The following MIGA1 variants were observed in gnomAD, a reference collection of about 807,000 sequenced individuals.
MIGA1 encodes mitoguardin 1, also known as family with sequence similarity 73, member A.
Under a neutral mutation model 82.0 loss-of-function variants are expected in MIGA1, and 58 were observed. The ratio of observed to expected loss-of-function variants is 0.71; its 90% CI spans 0.57 to 0.88. The LOEUF (loss-of-function observed/expected upper bound fraction) is 0.88. Ranked by LOEUF, MIGA1 falls within the 40% of genes least tolerant of loss-of-function variation. The probability of loss-of-function intolerance (pLI) is 0.00; values close to 1 mark genes in which losing one functional copy is unlikely to be tolerated. For missense variants in MIGA1, 751 were observed against 749.1 expected, an observed-to-expected ratio of 1.00 and a Z score of -0.03; for synonymous variants, 249 against 253.6, an observed-to-expected ratio of 0.98 and a Z score of 0.17.
intron 8 of MIGA1, chr1:77,853,646 T>G (rs1266033697): frequency 4.8e-6 from 1 of 207,520 alleles, no homozygotes; most frequent in African/African-American, 2.4e-5. Flanking sequence ...GCCACTGCAC[T>G]ATTGCCTGGC....
chr1:77,821,357 G>C (rs1363770724), intron 7 of MIGA1, among the ~76,000 whole-genome samples: 1 of 150,910 alleles, frequency 6.6e-6, no homozygotes, highest in Non-Finnish European at 1.5e-5. Flanking sequence ...TGTTAGTTCT[G>C]AGTCATCATT....
At chr1:77,828,510 A>C (rs895918336) in intron 7 of MIGA1, among the ~76,000 whole-genome samples, 2 of 152,212 alleles carry the variant, frequency 1.3e-5, no homozygotes, top group Non-Finnish European at 2.9e-5. Context: ...AAATGGTATA[A>C]TTTCAGCTTA....
At position 77,807,113 on chromosome 1, in the gene MIGA1, A is replaced by G. The variant is rs144517609; in HGVS notation, c.637+12A>G. ...CTTATACTTAATGGGTAGGAATGAG[A>G]TGATAACATTTTAAGATACTGTGCT... is the stretch of plus-strand genomic sequence containing the variant. On this transcript the variant is annotated intron_variant, in intron 5 of 15. Transcript: ENST00000370791. The G allele has an allele frequency of 7.7e-6, 12 of 1,558,032 alleles. No individual in the cohort carries two copies. In the African/African-American group the frequency reaches 1.5e-4, roughly 20 times the overall value.
At chr1:77,798,602 G>A (rs1210279047) in intron 2 of MIGA1, among the ~76,000 whole-genome samples, 1 of 152,176 alleles carries the variant, frequency 6.6e-6, no homozygotes, top group Non-Finnish European at 1.5e-5. Flanking sequence ...CTCACAACAC[G>A]TGGGAATTAT....
chr1:77,865,479 G>T (rs1243811075), intron 13 of MIGA1, among the ~76,000 whole-genome samples: 1 of 152,100 alleles, frequency 6.6e-6, no homozygotes, highest in East Asian at 1.9e-4. Context: ...TGTGGTTTCA[G>T]TTACTCAGGA....
chr1:77,831,668 C>T (rs528320155), intron 7 of MIGA1, among the ~76,000 whole-genome samples: 14 of 152,200 alleles, frequency 9.2e-5, no homozygotes, highest in Non-Finnish European at 1.5e-4. Context: ...CATATCATGA[C>T]GAATGTTTGT....
At chr1:77,851,162 C>T (rs564477151) in intron 8 of MIGA1, among the ~76,000 whole-genome samples, 2 of 152,214 alleles carry the variant, frequency 1.3e-5, no homozygotes, top group South Asian at 2.1e-4. Context: ...TGAGCCACCG[C>T]GCCGGGCCTT....
chr1:77,822,973 G>A lies in MIGA1; in HGVS notation c.895+7742G>A, dbSNP rs144685577. 1.6e-3 allele frequency among the ~76,000 whole-genome samples: 245 copies of A among 151,464 alleles called. 1 individual carries two copies. Among genetic ancestry groups the A allele is most frequent in the Non-Finnish European group, 2.6e-3 (180 of 67,936 alleles). ...TTCTCCTGCCTCAACCTCCCGAATA[G>A]TTGGTATTATAGGCGTGTGCCACCA... On this transcript the variant is annotated intron_variant, in intron 7 of 15. Coordinates refer to ENST00000370791, the MANE Select transcript of MIGA1 (RefSeq NM_198549.4).
At chr1:77,816,394 A>T (rs1259297915) in intron 7 of MIGA1, among the ~76,000 whole-genome samples, 1 of 152,190 alleles carries the variant, frequency 6.6e-6, no homozygotes, top group South Asian at 2.1e-4. Flanking sequence ...TATGAAGAGG[A>T]TTATTATTTT....
At chr1:77,870,068 T>G (rs61778863) in intron 14 of MIGA1, among the ~76,000 whole-genome samples, 858 of 38,656 alleles carry the variant, frequency 0.022, no homozygotes, top group Non-Finnish European at 0.03. Flanking sequence ...CCTCCCGGAC[T>G]GGGCGGCTGG....
chr1:77,849,897 T>G (rs2101907303), intron 8 of MIGA1, among the ~76,000 whole-genome samples: 1 of 152,080 alleles, frequency 6.6e-6, no homozygotes, highest in South Asian at 2.1e-4. Context: ...TTAGCCAGTG[T>G]GGTGGCACAC....
intron 2 of MIGA1, among the ~76,000 whole-genome samples, chr1:77,799,677 G>A (rs1422524243): frequency 2.0e-5 from 3 of 148,662 alleles, no homozygotes; most frequent in Middle Eastern, 3.5e-3. Flanking sequence ...TTTTTTTTCC[G>A]AGTGAGTTTT....
In MIGA1 at chr1:77,876,006, G is replaced by GC. The variant is rs985913870; in HGVS notation, c.*944dup. ...AAATTAGCCAGGTGTGGTGGCGGGC[G>GC]CCTGTAGTCCCAGCTACTCGGGAGG... On this transcript the variant is annotated 3_prime_UTR_variant, in exon 16 of 16. Coordinates refer to ENST00000370791, the MANE Select transcript of MIGA1 (RefSeq NM_198549.4). The GC allele has an allele frequency of 6.6e-6, 1 of 152,258 alleles. No individual in the cohort carries two copies. Among genetic ancestry groups the GC allele is most frequent in the Non-Finnish European group, 1.5e-5 (1 of 68,192 alleles). The allele number at this position is 152,258 out of a possible 1,614,324, so 9.4% of individuals were successfully genotyped here. A position where few individuals can be genotyped will look rare whatever the true frequency, so the allele number is the denominator to read the frequency against.
At chr1:77,833,629 G>A (rs899545727) in intron 7 of MIGA1, among the ~76,000 whole-genome samples, 1 of 152,078 alleles carries the variant, frequency 6.6e-6, no homozygotes, top group African/African-American at 2.4e-5. Flanking sequence ...CCAAGAAGAA[G>A]GTCCACTTTC....
At chr1:77,867,816 C>T (rs1685734000) in intron 14 of MIGA1, among the ~76,000 whole-genome samples, 1 of 152,178 alleles carries the variant, frequency 6.6e-6, no homozygotes, top group South Asian at 2.1e-4. Flanking sequence ...AAAGTATAGT[C>T]CTCACAGCAT....
chr1:77,859,491 C>T, intron 10 of MIGA1, 105 bp downstream of exon 10: 1 of 744,542 alleles, frequency 1.3e-6, no homozygotes, highest in Admixed American at 2.1e-5. Context: ...TTGATTATCC[C>T]TATTCCTAAT....
intron 1 of MIGA1, 84 bp downstream of exon 1, chr1:77,779,820 C>A: frequency 6.8e-7 from 1 of 1,464,186 alleles, no homozygotes; most frequent in South Asian, 1.4e-5. Context: ...GGGCAGAGGC[C>A]TCGGGGCAGG....
intron 8 of MIGA1, among the ~76,000 whole-genome samples, chr1:77,850,880 T>C (rs1466572051): frequency 6.6e-6 from 1 of 152,074 alleles, no homozygotes; most frequent in African/African-American, 2.4e-5. Flanking sequence ...TTTTGTTTTG[T>C]TTTTGTGAGA....
chr1:77,785,456 G>A (rs1682116685), intron 2 of MIGA1, among the ~76,000 whole-genome samples: 1 of 151,910 alleles, frequency 6.6e-6, no homozygotes, highest in African/African-American at 2.4e-5. Context: ...CGATTCTCCT[G>A]CCTCAGCCTC....
Sources: allele counts gnomAD v4.1 joint callset (sites outside exome capture counted in the v4.1 genomes callset), GRCh38; gene constraint gnomAD v4.1.1; transcripts MANE v1.5; gene names NCBI Gene and HGNC (gene_info 2026-07-23, HGNC 2026-07-21).